Variants in FGF12 observed in about 807,000 individuals in gnomAD.
FGF12 encodes fibroblast growth factor 12B.
FGF12 carries 14 observed loss-of-function variants against 23.6 expected under a neutral mutation model. That is an observed-to-expected ratio of 0.59 (90% CI 0.39 to 0.93). The LOEUF (loss-of-function observed/expected upper bound fraction) is 0.93, where lower values mean the gene tolerates loss of function less well. Among genes scored for constraint, FGF12 ranks in the 40% least tolerant of loss-of-function variants. The pLI, the probability that FGF12 is intolerant of heterozygous loss-of-function variation, is 0.00. For synonymous variants in FGF12, 62 were observed against 77.3 expected (o/e 0.80, Z 1.04); for missense variants, 175 against 217.8 (o/e 0.80, Z 1.24).
At chr3:192,342,238 A>G (rs1310011939) in intron 3 of FGF12, among the ~76,000 whole-genome samples, 2 of 152,226 alleles carry the variant, frequency 1.3e-5, no homozygotes, top group African/African-American at 4.8e-5. Flanking sequence ...TTTATTCATA[A>G]CTTTTCTCAG....
chr3:192,539,854 T>G (rs1315673470), intron 2 of FGF12, among the ~76,000 whole-genome samples: 2 of 152,106 alleles, frequency 1.3e-5, no homozygotes, highest in Admixed American at 6.5e-5. Flanking sequence ...AGTTTTGGAT[T>G]TTTTTTCATG....
chr3:192,354,128 T>G (rs2108726368), intron 3 of FGF12, among the ~76,000 whole-genome samples: 1 of 152,288 alleles, frequency 6.6e-6, no homozygotes, highest in Middle Eastern at 3.4e-3. Context: ...TTCCAATTGG[T>G]TTTCTGAAAA....
intron 2 of FGF12, among the ~76,000 whole-genome samples, chr3:192,364,417 T>C (rs1718880468): frequency 6.6e-6 from 1 of 152,210 alleles, no homozygotes; most frequent in Non-Finnish European, 1.5e-5. Flanking sequence ...GTTTGCTCCC[T>C]TTTGTGCTCT....
intron 2 of FGF12, among the ~76,000 whole-genome samples, chr3:192,464,612 C>T (rs1722958924): frequency 6.6e-6 from 1 of 150,724 alleles, no homozygotes; most frequent in Admixed American, 6.6e-5. Context: ...TTTGCAATTG[C>T]TAATTGTAAT....
At chr3:192,322,395 A>G (rs551065107) in intron 4 of FGF12, among the ~76,000 whole-genome samples, 2 of 152,108 alleles carry the variant, frequency 1.3e-5, no homozygotes, top group Non-Finnish European at 2.9e-5. Flanking sequence ...ATACTACCCA[A>G]AGCAATCTAC....
intron 2 of FGF12, among the ~76,000 whole-genome samples, chr3:192,685,755 C>T (rs1443182070): frequency 2.6e-5 from 4 of 152,154 alleles, no homozygotes; most frequent in Non-Finnish European, 5.9e-5. Flanking sequence ...ATAATACTTC[C>T]AAATCTTTCC....
intron 2 of FGF12, among the ~76,000 whole-genome samples, chr3:192,692,982 A>C (rs1014394650): frequency 6.6e-6 from 1 of 152,056 alleles, no homozygotes; most frequent in African/African-American, 2.4e-5. Context: ...AAAAGAAAAA[A>C]AAAAATAAAA....
At chr3:192,587,037 C>G (rs893498119) in intron 2 of FGF12, among the ~76,000 whole-genome samples, 8 of 151,994 alleles carry the variant, frequency 5.3e-5, no homozygotes, top group Non-Finnish European at 1.2e-4. Flanking sequence ...GGGGGGTCTA[C>G]TCAGAATATA....
At chr3:192,279,774 T>A (rs1664672044) in intron 4 of FGF12, among the ~76,000 whole-genome samples, 1 of 152,108 alleles carries the variant, frequency 6.6e-6, no homozygotes, top group African/African-American at 2.4e-5. Context: ...TGGCATGGGG[T>A]AAATAACTTA....
chr3:192,349,794 G>C (rs78005603), intron 3 of FGF12, among the ~76,000 whole-genome samples: 5,488 of 152,032 alleles, frequency 0.036, 332 homozygotes, highest in African/African-American at 0.12. Flanking sequence ...TGCAAGCATG[G>C]TCCCATTAGC....
At chr3:192,537,791 T>C (rs34939732) in intron 2 of FGF12, among the ~76,000 whole-genome samples, 6,439 of 152,172 alleles carry the variant, frequency 0.042, 210 homozygotes, top group East Asian at 0.1. Context: ...AGAAGGTTTT[T>C]AACTTGATGT....
chr3:192,366,034 G>A (rs751416689), intron 2 of FGF12, among the ~76,000 whole-genome samples: 2 of 151,030 alleles, frequency 1.3e-5, no homozygotes, highest in Non-Finnish European at 2.9e-5. Flanking sequence ...GAGAGACAGT[G>A]TCTTATCCAA....
intron 2 of FGF12, among the ~76,000 whole-genome samples, chr3:192,712,794 A>C (rs1428784688): frequency 1.3e-5 from 2 of 152,016 alleles, no homozygotes; most frequent in Non-Finnish European, 2.9e-5. Context: ...GAACTAATAC[A>C]GAGGATGCAG....
intron 3 of FGF12, among the ~76,000 whole-genome samples, chr3:192,342,758 C>T (rs745669428): frequency 3.3e-5 from 5 of 152,048 alleles, no homozygotes; most frequent in African/African-American, 4.8e-5. Context: ...GCCTGGGTAA[C>T]GGGGCAGGGC....
intron 2 of FGF12, among the ~76,000 whole-genome samples, chr3:192,563,340 A>G (rs576563898): frequency 2.6e-5 from 4 of 152,306 alleles, no homozygotes; most frequent in African/African-American, 9.6e-5. Flanking sequence ...CTGGGTGCAG[A>G]TGGTTCACCA....
intron 2 of FGF12, among the ~76,000 whole-genome samples, chr3:192,457,285 T>C (rs761622394): frequency 2.0e-5 from 3 of 152,138 alleles, no homozygotes; most frequent in Non-Finnish European, 4.4e-5. Flanking sequence ...ACCCAAAATG[T>C]GGAAGTGACT....
intron 2 of FGF12, among the ~76,000 whole-genome samples, chr3:192,587,681 TGTG>T (rs986003045): frequency 1.3e-5 from 2 of 151,614 alleles, no homozygotes; most frequent in African/African-American, 2.4e-5. Context: ...ATTTGCCAGA[TGTG>T]GTGGCACACA....
At chr3:192,578,674 A>G (rs761002665) in intron 2 of FGF12, among the ~76,000 whole-genome samples, 2 of 152,180 alleles carry the variant, frequency 1.3e-5, no homozygotes, top group Non-Finnish European at 2.9e-5. Flanking sequence ...CTTGCTGGAC[A>G]TTCAAATTTC....
intron 2 of FGF12, among the ~76,000 whole-genome samples, chr3:192,552,468 C>G (rs1019858473): frequency 3.3e-5 from 5 of 151,982 alleles, no homozygotes; most frequent in Non-Finnish European, 7.4e-5. Context: ...AAATAGAAAA[C>G]CTTGACTGAG....
Sources: gnomAD v4.1 joint callset for allele counts (sites outside exome capture counted in the v4.1 genomes callset) on GRCh38, gnomAD v4.1.1 for gene constraint, MANE v1.5 for transcripts, NCBI Gene and HGNC (gene_info 2026-07-23, HGNC 2026-07-21) for gene names.